The following PARD3B variants were observed in gnomAD, a reference collection of about 807,000 sequenced individuals.
The protein encoded by PARD3B is partitioning defective 3 homolog B.
Under a neutral mutation model 130.2 loss-of-function variants are expected in PARD3B, and 103 were observed. The observed-to-expected ratio is 0.79, with a 90% CI of 0.67 to 0.93. The LOEUF (loss-of-function observed/expected upper bound fraction) is 0.93. Among genes scored for constraint, PARD3B ranks in the 40% least tolerant of loss-of-function variants. The pLI is 0.00. For synonymous variants in PARD3B, 583 were observed against 553.2 expected (o/e 1.05, Z -0.76); for missense variants, 1,609 against 1,499.2 (o/e 1.07, Z -1.21).
intron 21 of PARD3B, among the ~76,000 whole-genome samples, chr2:205,529,468 T>C (rs1158427174): frequency 1.3e-5 from 2 of 152,168 alleles, no homozygotes; most frequent in East Asian, 3.9e-4. Flanking sequence ...TGTTCTTCTG[T>C]AGGAATCACT....
Position 204,545,859 on chromosome 2 carries a change from C to T in PARD3B, c.-141C>T. ...AGGTGGAAGGGGCGCTGCCGCGAGC[C>T]TCCGGGCCTCAGGGTGTTCCGGGGA... On this transcript the variant is annotated 5_prime_UTR_variant, in exon 1 of 23. Transcript: ENST00000406610. The T allele has an allele frequency of 1.1e-6, 1 of 931,704 alleles. No homozygotes were observed. Among genetic ancestry groups the T allele is most frequent in the Non-Finnish European group, 1.5e-6 (1 of 676,864 alleles). 57.7% of individuals were successfully genotyped at this position (931,704 alleles called of 1,614,324 possible). A position where few individuals can be genotyped will look rare whatever the true frequency, so the allele number is the denominator to read the frequency against.
At chr2:205,219,327 G>A (rs2038115098) in intron 15 of PARD3B, among the ~76,000 whole-genome samples, 3 of 152,198 alleles carry the variant, frequency 2.0e-5, no homozygotes, top group East Asian at 1.9e-4. Context: ...ACTAGAGTGT[G>A]TGAAGAACTT....
At chr2:205,082,491 G>T (rs1052751658) in intron 4 of PARD3B, among the ~76,000 whole-genome samples, 2 of 152,086 alleles carry the variant, frequency 1.3e-5, no homozygotes, top group Non-Finnish European at 2.9e-5. Flanking sequence ...ATCTTCTTGT[G>T]CTGTACTCAC....
chr2:205,000,299 G>T (rs1694725514), intron 3 of PARD3B, among the ~76,000 whole-genome samples: 1 of 152,168 alleles, frequency 6.6e-6, no homozygotes. Flanking sequence ...CCACGGCCTT[G>T]TGTTTTCTAC....
chr2:204,685,547 T>C (rs964478466), intron 1 of PARD3B, among the ~76,000 whole-genome samples: 3 of 152,200 alleles, frequency 2.0e-5, no homozygotes, highest in Non-Finnish European at 4.4e-5. Context: ...CTTTAATTAC[T>C]ACCCCAACTC....
intron 16 of PARD3B, among the ~76,000 whole-genome samples, chr2:205,262,153 G>A (rs1352426056): frequency 6.6e-6 from 1 of 152,098 alleles, no homozygotes; most frequent in Non-Finnish European, 1.5e-5. Context: ...TAAGTGGTGA[G>A]TTTGGCAAAG....
Position 204,764,622 on chromosome 2 carries a change from C to T in PARD3B, c.222+78340C>T, listed in dbSNP as rs376776921. 1.0e-3 allele frequency among the ~76,000 whole-genome samples: 152 copies of T among 152,074 alleles called. 2 individuals carry two copies. The highest frequency in any genetic ancestry group is 3.5e-3 in the African/African-American group (145 of 41,496). On this transcript the variant is annotated intron_variant, in intron 2 of 22. Coordinates refer to ENST00000406610, the MANE Select transcript of PARD3B (RefSeq NM_001302769.2). ...CAAACTTTGAATAAATAGATGCACA[C>T]ACCATGTAACTGGATGTTAGTACTG...
intron 15 of PARD3B, among the ~76,000 whole-genome samples, chr2:205,235,675 G>C (rs540598810): frequency 6.6e-6 from 1 of 152,286 alleles, no homozygotes; most frequent in South Asian, 2.1e-4. Flanking sequence ...AATGAAGCAA[G>C]ATGGCACAAG....
intron 20 of PARD3B, among the ~76,000 whole-genome samples, chr2:205,469,425 A>G (rs1414056091): frequency 6.6e-6 from 1 of 152,136 alleles, no homozygotes; most frequent in Non-Finnish European, 1.5e-5. Context: ...GGTTCTCACC[A>G]CTGGGCAAGG....
At chr2:204,873,999 TG>T (rs2045739555) in intron 2 of PARD3B, among the ~76,000 whole-genome samples, 1 of 151,802 alleles carries the variant, frequency 6.6e-6, no homozygotes, top group African/African-American at 2.4e-5. Context: ...AAAAATAAGC[TG>T]GGCATGGTGG....
At chr2:204,891,579 G>A (rs6759876) in intron 2 of PARD3B, among the ~76,000 whole-genome samples, 1 of 152,154 alleles carries the variant, frequency 6.6e-6, no homozygotes, top group Non-Finnish European at 1.5e-5. Flanking sequence ...TTTCACTGGA[G>A]AGATTCTAAT....
chr2:205,530,803 CAAG>C lies in PARD3B; in HGVS notation c.3181-22516_3181-22514del, dbSNP rs1162908536. Among the ~76,000 whole-genome samples, 1 of 152,104 alleles carries C rather than the reference CAAG, an allele frequency of 6.6e-6. No homozygotes were observed. The highest frequency in any genetic ancestry group is 1.5e-5 in the Non-Finnish European group (1 of 68,036). ...ACACAGATACTCATGCTGGACGATTCAAGAAGATGAAATGGGGAAGAAAGAAAC... is the reference window on the plus strand; with the variant it reads ...ACACAGATACTCATGCTGGACGATTCAAGATGAAATGGGGAAGAAAGAAAC... On this transcript the variant is annotated intron_variant, in intron 21 of 22. Transcript: ENST00000406610. This position sits in a 1 kb window ranked among gnomAD's most constrained non-coding sequence, Gnocchi z 4.7.
intron 18 of PARD3B, among the ~76,000 whole-genome samples, chr2:205,388,121 G>C (rs1396763540): frequency 6.6e-6 from 1 of 152,318 alleles, no homozygotes; most frequent in Admixed American, 6.5e-5. Flanking sequence ...CATCTGGAAT[G>C]TTCCACTCAG....
At chr2:205,323,186 G>T (rs953308806) in intron 18 of PARD3B, among the ~76,000 whole-genome samples, 1 of 151,832 alleles carries the variant, frequency 6.6e-6, no homozygotes, top group Non-Finnish European at 1.5e-5. Flanking sequence ...TGGGATTACA[G>T]GCGTGAGCCA....
rs761009665 is a variant in PARD3B at position 204,916,270 on chromosome 2, CACTG to C, written c.223-48877_223-48874del. On this transcript the variant is annotated intron_variant, in intron 2 of 22. Transcript: ENST00000406610. ...GTTTGTGAAACAGAAAACATTATTT[CACTG>C]ACTGGGCCACTTTTGTTAAAAATAT... 1.8e-4 allele frequency among the ~76,000 whole-genome samples: 27 copies of C among 152,302 alleles called. No individual in the cohort carries two copies. The East Asian group carries it at 3.3e-3, about 18-fold the overall frequency.
At position 205,562,430 on chromosome 2, in the gene PARD3B, A is replaced by T. The variant is rs1384587580; in HGVS notation, c.3260+9027A>T. Among the ~76,000 whole-genome samples, 1 of 152,174 alleles carries T rather than the reference A, an allele frequency of 6.6e-6. No individual in the cohort carries two copies. The highest frequency in any genetic ancestry group is 2.4e-5 in the African/African-American group (1 of 41,460). ...TTTTACTTTTTCCCTCATTTTCCAT[A>T]GAAAATTCCAAACTGCTACACATTT... On this transcript the variant is annotated intron_variant, in intron 22 of 22. Transcript: ENST00000406610. This position sits in a 1 kb window ranked among gnomAD's most constrained non-coding sequence, Gnocchi z 5.4.
At chr2:205,350,188 A>G (rs2043946508) in intron 18 of PARD3B, among the ~76,000 whole-genome samples, 1 of 152,226 alleles carries the variant, frequency 6.6e-6, no homozygotes, top group Admixed American at 6.5e-5. Flanking sequence ...TGTGTTGAAC[A>G]TTATTCTGTG....
intron 2 of PARD3B, among the ~76,000 whole-genome samples, chr2:204,754,679 A>G (rs1450220161): frequency 6.6e-6 from 1 of 152,194 alleles, no homozygotes; most frequent in African/African-American, 2.4e-5. Flanking sequence ...ATCCTAAGAT[A>G]ATAATGACTT....
intron 2 of PARD3B, among the ~76,000 whole-genome samples, chr2:204,741,579 T>G (rs1299062549): frequency 6.6e-6 from 1 of 152,214 alleles, no homozygotes. Context: ...TAGTCTTTAG[T>G]TTATTAAGAC....
Sources: allele counts gnomAD v4.1 joint callset (sites outside exome capture counted in the v4.1 genomes callset), GRCh38; gene constraint gnomAD v4.1.1; non-coding constraint Gnocchi (gnomAD v3.1); transcripts MANE v1.5; gene names NCBI Gene and HGNC (gene_info 2026-07-23, HGNC 2026-07-21).